NCKAP5: variants seen among roughly 807,000 people sequenced by gnomAD.
NCKAP5 encodes the protein nck-associated protein 5.
In NCKAP5, 92 loss-of-function variants were observed where a neutral mutation model predicts 167.0. The observed-to-expected ratio is 0.55, with a 90% CI of 0.47 to 0.66. The LOEUF (loss-of-function observed/expected upper bound fraction) is 0.66, where lower values mean the gene tolerates loss of function less well. NCKAP5 is among the 30% of genes least tolerant of loss of function. The pLI is 0.00. For missense variants in NCKAP5, 2,378 were observed against 2,315.0 expected (o/e 1.03, Z -0.56); for synonymous variants, 891 against 877.4 (o/e 1.02, Z -0.27).
chr2:132,944,543 T>A (rs1393335804), intron 8 of NCKAP5, among the ~76,000 whole-genome samples: 1 of 152,158 alleles, frequency 6.6e-6, no homozygotes, highest in African/African-American at 2.4e-5. Context: ...GCCACATAGC[T>A]GGTTAGCGCA....
chr2:133,398,604 A>G (rs1687903041), intron 3 of NCKAP5, among the ~76,000 whole-genome samples: 1 of 152,240 alleles, frequency 6.6e-6, no homozygotes, highest in African/African-American at 2.4e-5. Context: ...GAATTAGAGG[A>G]AAATATGTCT....
chr2:133,093,553 C>T (rs1487327064), intron 6 of NCKAP5, among the ~76,000 whole-genome samples: 1 of 152,186 alleles, frequency 6.6e-6, no homozygotes, highest in Non-Finnish European at 1.5e-5. Context: ...AATTAAACAT[C>T]ATGACATCTA....
At chr2:132,918,740 A>G (rs1019835885) in intron 8 of NCKAP5, among the ~76,000 whole-genome samples, 1 of 152,240 alleles carries the variant, frequency 6.6e-6, no homozygotes, top group Non-Finnish European at 1.5e-5. Flanking sequence ...TGTAAATAAC[A>G]ATGCTTTCTG....
chr2:132,673,889 G>A lies in NCKAP5; in HGVS notation c.5714-584C>T, dbSNP rs190616351. ...GGCCCAAGGGCTTAAAAATTAAAGC[G>A]GCAGGTGAACAGCTGAGTAACCCCT... On this transcript the variant is annotated intron_variant, in intron 19 of 19. Transcript: ENST00000409261. 1.9e-4 allele frequency among the ~76,000 whole-genome samples: 29 copies of A among 152,106 alleles called. 1 individual carries two copies. The East Asian group carries it at 3.7e-3, about 19-fold the overall frequency.
chr2:133,504,148 A>T (rs1682786838), intron 3 of NCKAP5, among the ~76,000 whole-genome samples: 1 of 152,124 alleles, frequency 6.6e-6, no homozygotes, highest in South Asian at 2.1e-4. Context: ...ATTAAATCCA[A>T]TTTAAAATGC....
intron 3 of NCKAP5, among the ~76,000 whole-genome samples, chr2:133,304,962 T>C (rs909901393): frequency 2.6e-5 from 4 of 152,158 alleles, no homozygotes; most frequent in Non-Finnish European, 5.9e-5. Context: ...CAAGTGATAT[T>C]TGAGCTAAGA....
chr2:132,971,051 T>C (rs1316592835), intron 7 of NCKAP5, among the ~76,000 whole-genome samples: 1 of 152,230 alleles, frequency 6.6e-6, no homozygotes, highest in African/African-American at 2.4e-5. Flanking sequence ...TCCTACATGC[T>C]AGGCGCTGAG....
At chr2:132,749,011 C>T (rs1679884886) in intron 16 of NCKAP5, among the ~76,000 whole-genome samples, 1 of 151,934 alleles carries the variant, frequency 6.6e-6, no homozygotes, top group Admixed American at 6.6e-5. Flanking sequence ...TCAGGTGATC[C>T]ACCCCTACGG....
chr2:133,544,259 T>C (rs1686468184), intron 2 of NCKAP5, among the ~76,000 whole-genome samples: 1 of 152,236 alleles, frequency 6.6e-6, no homozygotes, highest in South Asian at 2.1e-4. Context: ...TTCAGAATAT[T>C]CTATTATTAA....
intron 6 of NCKAP5, among the ~76,000 whole-genome samples, chr2:133,073,830 C>A (rs931602071): frequency 1.3e-5 from 2 of 152,166 alleles, no homozygotes; most frequent in Non-Finnish European, 2.9e-5. Context: ...ACCCAGGGCA[C>A]ATAACATTGC....
intron 2 of NCKAP5, among the ~76,000 whole-genome samples, chr2:133,543,664 G>A (rs1337383977): frequency 6.6e-6 from 1 of 152,154 alleles, no homozygotes; most frequent in Admixed American, 6.5e-5. Flanking sequence ...TTCCCCTGTG[G>A]GAAATGAAGG....
chr2:133,178,991 C>G (rs1029596158), intron 5 of NCKAP5, among the ~76,000 whole-genome samples: 11 of 152,054 alleles, frequency 7.2e-5, no homozygotes, highest in Admixed American at 2.0e-4. Context: ...CATAGGGAGA[C>G]CTTATCTCTA....
chr2:133,546,048 C>T (rs760902173), intron 2 of NCKAP5, among the ~76,000 whole-genome samples: 7 of 152,106 alleles, frequency 4.6e-5, no homozygotes, highest in African/African-American at 1.4e-4. Context: ...ACCAGAAATG[C>T]TGAAACACAA....
At chr2:133,516,266 GAC>G (rs1338069417) in intron 3 of NCKAP5, among the ~76,000 whole-genome samples, 2 of 152,068 alleles carry the variant, frequency 1.3e-5, no homozygotes, top group Non-Finnish European at 2.9e-5. Flanking sequence ...TACACACAGA[GAC>G]ACACACACAG....
intron 3 of NCKAP5, among the ~76,000 whole-genome samples, chr2:133,309,479 G>A (rs551371787): frequency 6.6e-6 from 1 of 152,058 alleles, no homozygotes; most frequent in African/African-American, 2.4e-5. Flanking sequence ...GGGGGCTGAA[G>A]GTGGGGGGCA....
intron 11 of NCKAP5, among the ~76,000 whole-genome samples, chr2:132,857,249 G>A (rs1689545390): frequency 6.6e-6 from 1 of 151,770 alleles, no homozygotes; most frequent in African/African-American, 2.4e-5. Context: ...CTTAACAATG[G>A]TACAGGAACT....
chr2:133,527,995 G>C (rs1286845659), intron 2 of NCKAP5, among the ~76,000 whole-genome samples: 2 of 152,128 alleles, frequency 1.3e-5, no homozygotes, highest in Non-Finnish European at 1.5e-5. Context: ...AGCCTGAGAG[G>C]TTGAGGCTAC....
chr2:132,748,559 T>C (rs1174241042), intron 16 of NCKAP5, among the ~76,000 whole-genome samples: 1 of 152,202 alleles, frequency 6.6e-6, no homozygotes, highest in Admixed American at 6.5e-5. Flanking sequence ...TGAGCACATA[T>C]GCAGAAGCCG....
intron 2 of NCKAP5, among the ~76,000 whole-genome samples, chr2:133,553,402 G>C (rs1687513071): frequency 6.6e-6 from 1 of 152,198 alleles, no homozygotes; most frequent in South Asian, 2.1e-4. Flanking sequence ...GGCAGGGAAG[G>C]AATGCTGGGA....
Sources: allele counts gnomAD v4.1 joint callset (sites outside exome capture counted in the v4.1 genomes callset), GRCh38; gene constraint gnomAD v4.1.1; transcripts MANE v1.5; gene names NCBI Gene and HGNC (gene_info 2026-07-23, HGNC 2026-07-21).